The following PPFIBP1 variants were observed in gnomAD, a reference collection of about 807,000 sequenced individuals.
The protein encoded by PPFIBP1 is liprin-beta-1.
PPFIBP1 carries 112 observed loss-of-function variants against 137.8 expected under a neutral mutation model. That is an observed-to-expected ratio of 0.81 (90% CI 0.70 to 0.95). PPFIBP1 has a LOEUF of 0.95. PPFIBP1 is among the 40% of genes least tolerant of loss of function. PPFIBP1 has a pLI of 0.00. For missense variants in PPFIBP1, 1,083 were observed against 1,196.6 expected, an observed-to-expected ratio of 0.91 and a Z score of 1.40; for synonymous variants, 378 against 417.3, an observed-to-expected ratio of 0.91 and a Z score of 1.15.
At chr12:27,682,237 C>G in intron 22 of PPFIBP1, 150 bp from the exon 23 acceptor site, 1 of 644,102 alleles carries the variant, frequency 1.6e-6, no homozygotes, top group South Asian at 2.0e-5. Context: ...ACCTTTTGTT[C>G]AACAACACTT....
At position 27,635,030 on chromosome 12, in the gene PPFIBP1, T is replaced by C. The variant is rs1161923680; in HGVS notation, c.185T>C (p.Met62Thr). ...GACCTGCGTGGATTGTTAGAGATGA[T>C]GGAAACAGATGAGAAAGAAGGCTTG... ...VEDLRGLLEM[M>T]ETDEKEGLRC... Residue 62 changes from methionine to threonine, a missense_variant, in exon 4 of 30, where the codon ATG (methionine) becomes ACG (threonine). Coordinates refer to ENST00000228425, the MANE Select transcript of PPFIBP1 (RefSeq NM_003622.4). The C allele has an allele frequency of 6.2e-7, 1 of 1,614,178 alleles. No homozygotes were observed. Among genetic ancestry groups the C allele is most frequent in the South Asian group, 1.1e-5 (1 of 91,090 alleles).
In PPFIBP1 at chr12:27,673,826, G is replaced by A; in HGVS notation, c.1379G>A (p.Gly460Glu). 1 of 1,612,866 alleles carries A rather than the reference G, an allele frequency of 6.2e-7. No homozygotes were observed. The highest frequency in any genetic ancestry group is 1.1e-5 in the South Asian group (1 of 90,956). ...AATCTGAAGAAAGAGACATCTGATG[G>A]GGTGGGTTCTGTGTTTTTTGTTTTT... ...LGNLKKETSDGEKETIQKTSE... is the reference protein window; with the variant it reads ...LGNLKKETSDEEKETIQKTSE... Residue 460 changes from glycine (G) to glutamate (E), a missense_variant and splice_region_variant, in exon 16 of 30, where the codon GGG (glycine) becomes GAG (glutamate). Gly to Glu is a moderately conservative substitution (Grantham distance 98). Transcript: ENST00000228425.
intron 8 of PPFIBP1, chr12:27,655,301 G>A (rs2059129379): frequency 8.7e-7 from 1 of 1,154,632 alleles, no homozygotes; most frequent in Non-Finnish European, 1.2e-6. Flanking sequence ...GTTTTGCTGT[G>A]ATGATGTTTT....
chr12:27,692,936 T>A lies in PPFIBP1; in HGVS notation c.*54T>A. 6.2e-7 allele frequency: 1 copy of A among 1,605,248 alleles called. No homozygotes were observed. On this transcript the variant is annotated 3_prime_UTR_variant, in exon 30 of 30. Transcript: ENST00000228425. ...GCTTAGTCTTTTTTCTACTTGCTTT[T>A]CCAAACACTCACAGTATATACAACA...
chr12:27,563,205 G>A (rs1168504138), intron 1 of PPFIBP1, among the ~76,000 whole-genome samples: 2 of 145,246 alleles, frequency 1.4e-5, no homozygotes, highest in Non-Finnish European at 3.0e-5. Flanking sequence ...ACTATGGGAG[G>A]CTGAGGTAGG....
chr12:27,553,984 AG>A (rs140159302), intron 1 of PPFIBP1, among the ~76,000 whole-genome samples: 15,597 of 152,328 alleles, frequency 0.1, 1,049 homozygotes, highest in Middle Eastern at 0.22. Flanking sequence ...AGAATTGAGC[AG>A]GGCAGAAAAA....
chr12:27,592,695 G>A, intron 2 of PPFIBP1: 1 of 1,335,266 alleles, frequency 7.5e-7, no homozygotes, highest in Non-Finnish European at 1.1e-6. Context: ...GCTCTGACAG[G>A]ATTGAGATCT....
Position 27,677,044 on chromosome 12 carries a change from C to T in PPFIBP1, c.1583-20C>T, listed in dbSNP as rs769793603. 5.6e-6 allele frequency: 9 copies of T among 1,614,108 alleles called. No individual in the cohort carries two copies. Among genetic ancestry groups the T allele is most frequent in the African/African-American group, 1.3e-5 (1 of 75,042 alleles). On this transcript the variant is annotated intron_variant, in intron 18 of 29. Coordinates refer to ENST00000228425, the MANE Select transcript of PPFIBP1 (RefSeq NM_003622.4). ...CCATTGGGCTGCGTGTGATTGTGTG[C>T]GTTGTTGGGATATCTGAAGATCGTA... is the stretch of plus-strand genomic sequence containing the variant.
chr12:27,594,331 C>A (rs1393782387), intron 2 of PPFIBP1, among the ~76,000 whole-genome samples: 4 of 152,044 alleles, frequency 2.6e-5, no homozygotes, highest in Non-Finnish European at 5.9e-5. Flanking sequence ...GCACCCGCCA[C>A]AATGCCCAGC....
At chr12:27,674,303 A>T (rs2060369528) in intron 17 of PPFIBP1, 82 bp downstream of exon 17, 1 of 988,758 alleles carries the variant, frequency 1.0e-6, no homozygotes, top group African/African-American at 1.7e-5. Flanking sequence ...CAGTAGATAA[A>T]AACTTTCAGA....
chr12:27,618,898 A>T (rs1026000031), intron 2 of PPFIBP1, among the ~76,000 whole-genome samples: 4 of 152,236 alleles, frequency 2.6e-5, no homozygotes, highest in African/African-American at 9.6e-5. Flanking sequence ...GATCTAGTAG[A>T]GACAACATTC....
chr12:27,673,903 T>C, intron 16 of PPFIBP1, 76 bp downstream of exon 16: 1 of 1,292,878 alleles, frequency 7.7e-7, no homozygotes, highest in Non-Finnish European at 1.1e-6. Context: ...ATCTTTTCCC[T>C]TTTTGCAAAT....
chr12:27,534,997 G>C (rs1458359903), intron 1 of PPFIBP1, among the ~76,000 whole-genome samples: 1 of 152,178 alleles, frequency 6.6e-6, no homozygotes, highest in Admixed American at 6.5e-5. Context: ...TCAGTCCATT[G>C]GTGGGTCTTA....
chr12:27,530,144 C>T (rs558582803), intron 1 of PPFIBP1, among the ~76,000 whole-genome samples: 2 of 152,300 alleles, frequency 1.3e-5, no homozygotes, highest in Admixed American at 1.3e-4. Context: ...GCCTTTGCAA[C>T]CGTTATCTTT....
At chr12:27,664,319 T>C in intron 11 of PPFIBP1, 43 bp from the exon 12 acceptor site, 1 of 1,305,234 alleles carries the variant, frequency 7.7e-7, no homozygotes, top group Non-Finnish European at 1.1e-6. Context: ...TATTACTCTT[T>C]TAAGAACATA....
At chr12:27,623,416 A>G (rs914829829) in intron 2 of PPFIBP1, among the ~76,000 whole-genome samples, 9 of 152,208 alleles carry the variant, frequency 5.9e-5, no homozygotes, top group African/African-American at 1.9e-4. Flanking sequence ...ATTTAAGGTC[A>G]TGGCTCGGTG....
intron 7 of PPFIBP1, among the ~76,000 whole-genome samples, chr12:27,653,044 G>A (rs1018792865): frequency 4.6e-5 from 7 of 151,554 alleles, no homozygotes; most frequent in African/African-American, 1.7e-4. Flanking sequence ...GTAATATTTT[G>A]CCCCATTTTA....
In PPFIBP1 at chr12:27,676,391, C is replaced by A. The variant is rs748629739; in HGVS notation, c.1411-37C>A. On this transcript the variant is annotated intron_variant, in intron 17 of 29. Transcript: ENST00000228425. ...CCTGGCATGTGCTGAGGATGCTGCA[C>A]CTGAGAGCTGTTTCACTATTCTTAT... The A allele has an allele frequency of 7.0e-6, 10 of 1,429,588 alleles. No homozygotes were observed. The Admixed American group carries it at 1.3e-4, about 19-fold the overall frequency. The allele number at this position is 1,429,588 out of a possible 1,614,324, so 88.6% of individuals were successfully genotyped here.
At chr12:27,563,460 G>GAA (rs10607744) in intron 1 of PPFIBP1, among the ~76,000 whole-genome samples, 1 of 119,548 alleles carries the variant, frequency 8.4e-6, no homozygotes. Context: ...CCATCTCAAA[G>GAA]AAAAAAAAAA....
Sources: allele counts gnomAD v4.1 joint callset (sites outside exome capture counted in the v4.1 genomes callset), GRCh38; gene constraint gnomAD v4.1.1; transcripts MANE v1.5; gene names NCBI Gene and HGNC (gene_info 2026-07-23, HGNC 2026-07-21).